RAB12: variants seen among roughly 807,000 people sequenced by gnomAD.
RAB12 encodes ras-related protein Rab-12.
Under a neutral mutation model 28.4 loss-of-function variants are expected in RAB12, and 11 were observed. The observed-to-expected ratio is 0.39, with a 90% confidence interval of 0.24 to 0.64. The LOEUF (loss-of-function observed/expected upper bound fraction) is 0.64, where lower values mean the gene tolerates loss of function less well. Ranked by LOEUF, RAB12 falls within the 30% of genes least tolerant of loss-of-function variation. The pLI is 0.50. For synonymous variants in RAB12, 138 were observed against 145.3 expected, an observed-to-expected ratio of 0.95 and a Z score of 0.36; for missense variants, 276 against 351.1, an observed-to-expected ratio of 0.79 and a Z score of 1.71.
At chr18:8,636,220 A>G (rs767378301) in intron 4 of RAB12, 33 bp from the exon 5 acceptor site, 9 of 1,446,338 alleles carry the variant, frequency 6.2e-6, no homozygotes, top group South Asian at 4.6e-5. Flanking sequence ...GTGAGGCCCC[A>G]CACAGAGGAA....
At chr18:8,613,624 T>G (rs1481538189) in intron 1 of RAB12, among the ~76,000 whole-genome samples, 7 of 152,350 alleles carry the variant, frequency 4.6e-5, no homozygotes. Context: ...ATTTCTATGT[T>G]ACTGTTGGAA....
At chr18:8,633,110 TA>T in intron 2 of RAB12, 78 bp from the exon 3 acceptor site, 1 of 1,558,640 alleles carries the variant, frequency 6.4e-7, no homozygotes, top group Non-Finnish European at 8.8e-7. Context: ...CTGCAGCATA[TA>T]ATCTATGTTT....
In RAB12 at chr18:8,609,736, G is replaced by A; in HGVS notation, c.297G>A (p.Pro99=). 2 of 1,174,640 alleles carry A rather than the reference G, an allele frequency of 1.7e-6. No homozygotes were observed. Among genetic ancestry groups the A allele is most frequent in the Middle Eastern group, 3.5e-4 (1 of 2,868 alleles). The allele number at this position is 1,174,640 out of a possible 1,614,324, so 72.8% of individuals were successfully genotyped here. A position where few individuals can be genotyped will look rare whatever the true frequency, so the allele number is the denominator to read the frequency against. ...AEREPHACMD[P]GAALQRRAGG... is the part of the protein sequence containing the mutation. ...GGGAGCCGCATGCGTGTATGGATCC[G>A]GGCGCCGCGCTGCAGAGGCGGGCCG... Residue 99 remains proline (P), a synonymous_variant, in exon 1 of 6, where the codon CCG becomes CCA. Transcript: ENST00000649141.
At position 8,638,317 on chromosome 18, in the gene RAB12, C is replaced by T. The variant is rs938013832; in HGVS notation, c.*55C>T. On this transcript the variant is annotated 3_prime_UTR_variant, in exon 6 of 6. Transcript: ENST00000649141. ...ATTCCTGGAAAGGGGAAAAAACGTTCTATTCTGCACTACAATCATTTTGAC... is the reference window on the plus strand; with the variant it reads ...ATTCCTGGAAAGGGGAAAAAACGTTTTATTCTGCACTACAATCATTTTGAC... 8.6e-7 allele frequency: 1 copy of T among 1,158,402 alleles called. No individual in the cohort carries two copies. The highest frequency in any genetic ancestry group is 1.2e-5 in the South Asian group (1 of 80,182). 71.8% of individuals were successfully genotyped at this position (1,158,402 alleles called of 1,614,324 possible).
chr18:8,618,758 C>A (rs778242468), intron 1 of RAB12, among the ~76,000 whole-genome samples: 1 of 152,166 alleles, frequency 6.6e-6, no homozygotes, highest in African/African-American at 2.4e-5. Flanking sequence ...GTGATCCACC[C>A]GCCTTGGCCT....
intron 2 of RAB12, among the ~76,000 whole-genome samples, chr18:8,627,973 C>T (rs2096013797): frequency 6.6e-6 from 1 of 152,138 alleles, no homozygotes; most frequent in Non-Finnish European, 1.5e-5. Flanking sequence ...GTTGTATCAC[C>T]AAACTGGGAA....
chr18:8,610,643 G>C (rs935450031), intron 1 of RAB12, among the ~76,000 whole-genome samples: 1 of 152,150 alleles, frequency 6.6e-6, no homozygotes, highest in East Asian at 1.9e-4. Flanking sequence ...AAACAGCCGT[G>C]GATCTGAAAT....
At chr18:8,628,630 GTTTCT>G (rs2096014176) in intron 2 of RAB12, among the ~76,000 whole-genome samples, 1 of 152,156 alleles carries the variant, frequency 6.6e-6, no homozygotes. Flanking sequence ...GAATTTTGAG[GTTTCT>G]ATCCTCTTTC....
At chr18:8,620,139 C>CTTCTTT (rs2096009003) in intron 1 of RAB12, among the ~76,000 whole-genome samples, 1 of 53,954 alleles carries the variant, frequency 1.9e-5, no homozygotes, top group Non-Finnish European at 3.1e-5. Flanking sequence ...TTTTCTTCTT[C>CTTCTTT]TTTTTTTTTT....
At chr18:8,623,540 C>T (rs139646923) in intron 1 of RAB12, among the ~76,000 whole-genome samples, 10 of 152,326 alleles carry the variant, frequency 6.6e-5, no homozygotes, top group East Asian at 3.9e-4. Context: ...CTATTTTGTG[C>T]GTCTTGTGTA....
intron 3 of RAB12, 63 bp from the exon 4 acceptor site, chr18:8,635,470 T>C: frequency 4.2e-6 from 5 of 1,177,076 alleles, no homozygotes; most frequent in Non-Finnish European, 6.2e-6. Flanking sequence ...TCGGTTTATA[T>C]TTCTGCTGTC....
At position 8,609,663 on chromosome 18, in the gene RAB12, C is replaced by A. The variant is rs1268470399; in HGVS notation, c.224C>A (p.Pro75His). 5.7e-6 allele frequency: 5 copies of A among 870,670 alleles called. No homozygotes were observed. Among genetic ancestry groups the A allele is most frequent in the Non-Finnish European group, 6.9e-6 (5 of 728,382 alleles). 53.9% of individuals were successfully genotyped at this position (870,670 alleles called of 1,614,324 possible). ...RAAEAEGAPGPGARSRGAGGG... is the reference protein window; with the variant it reads ...RAAEAEGAPGHGARSRGAGGG... ...GCGGAGGCCGAGGGGGCGCCGGGGC[C>A]CGGGGCGCGCAGCCGGGGGGCGGGC... is the stretch of plus-strand genomic sequence containing the variant. Residue 75 changes from proline (P) to histidine (H), a missense_variant, in exon 1 of 6, where the codon CCC (proline) becomes CAC (histidine). By Grantham distance (77) the Pro-to-His change is moderately conservative. Around this residue, in one of 4 missense-constraint regions of RAB12, gnomAD observed 72 missense variants for 55.5 expected, o/e 1.30. Coordinates refer to ENST00000649141, the MANE Select transcript of RAB12 (RefSeq NM_001025300.3).
At position 8,609,765 on chromosome 18, in the gene RAB12, G is replaced by T; in HGVS notation, c.326G>T (p.Gly109Val). Residue 109 changes from glycine to valine, a missense_variant, in exon 1 of 6, where the codon GGC becomes GTC. Gly to Val is a moderately radical substitution (Grantham distance 109). Around this residue, in one of 4 missense-constraint regions of RAB12, gnomAD observed 72 missense variants for 55.5 expected, o/e 1.30. Transcript: ENST00000649141. The stretch of plus-strand genomic sequence containing the variant: ...GCCGCGCTGCAGAGGCGGGCCGGGG[G>T]CGGCGGCGGTCTGGGCGCGGGCTCC... ...PGAALQRRAGGGGGLGAGSPA... is the reference protein window; with the variant it reads ...PGAALQRRAGVGGGLGAGSPA... 1 of 1,269,084 alleles carries T rather than the reference G, an allele frequency of 7.9e-7. No individual in the cohort carries two copies. Among genetic ancestry groups the T allele is most frequent in the South Asian group, 3.1e-5 (1 of 32,704 alleles). The allele number at this position is 1,269,084 out of a possible 1,614,324, so 78.6% of individuals were successfully genotyped here.
Position 8,636,367 on chromosome 18 carries a change from A to AG in RAB12, c.909+11dup. ...TGACATTCTGAAAAAGGTAAAAAAAAGAATCTACATTATAAAAGTATATCA... is the reference window on the plus strand; with the variant it reads ...TGACATTCTGAAAAAGGTAAAAAAAAGGAATCTACATTATAAAAGTATATCA... On this transcript the variant is annotated intron_variant, in intron 5 of 5. Coordinates refer to ENST00000649141, the MANE Select transcript of RAB12 (RefSeq NM_001025300.3). 9.5e-6 allele frequency: 14 copies of AG among 1,466,180 alleles called. No homozygotes were observed. Among genetic ancestry groups the AG allele is most frequent in the Non-Finnish European group, 1.3e-5 (14 of 1,053,426 alleles). 90.8% of individuals were successfully genotyped at this position (1,466,180 alleles called of 1,614,324 possible).
chr18:8,617,879 T>C (rs1046876457), intron 1 of RAB12, among the ~76,000 whole-genome samples: 1 of 152,200 alleles, frequency 6.6e-6, no homozygotes, highest in Admixed American at 6.5e-5. Flanking sequence ...CAGTAATATA[T>C]ACCTCATAAT....
intron 1 of RAB12, among the ~76,000 whole-genome samples, chr18:8,615,161 GGCA>G (rs2096006072): frequency 6.6e-6 from 1 of 152,178 alleles, no homozygotes; most frequent in Non-Finnish European, 1.5e-5. Context: ...CGGTTGAGCT[GGCA>G]GCAGAATGGA....
chr18:8,620,121 T>C (rs921036444), intron 1 of RAB12, among the ~76,000 whole-genome samples: 6 of 125,744 alleles, frequency 4.8e-5, no homozygotes, highest in African/African-American at 8.2e-5. Flanking sequence ...GACAAAGCCT[T>C]CTTTTTTTTT....
Position 8,620,139 on chromosome 18 carries a change from C to CTTTTTTTTTTTTTTTTTTTTTT in RAB12, c.515-4778_515-4777insTTTTTTTTTTTTTTTTTTTTTT, listed in dbSNP as rs71165795. ...AAAGCCTTCTTTTTTTTTTCTTCTT[C>CTTTTTTTTTTTTTTTTTTTTTT]TTTTTTTTTTTTTTTTTTTTTGCTT... On this transcript the variant is annotated intron_variant, in intron 1 of 5. Transcript: ENST00000649141. 2.3e-3 allele frequency among the ~76,000 whole-genome samples: 121 copies of CTTTTTTTTTTTTTTTTTTTTTT among 53,710 alleles called. 1 individual carries two copies. Among genetic ancestry groups the CTTTTTTTTTTTTTTTTTTTTTT allele is most frequent in the Non-Finnish European group, 2.8e-3 (91 of 32,178 alleles). The allele number at this position is 53,710 out of a possible 152,430, so 35.2% of individuals were successfully genotyped here.
At position 8,609,915 on chromosome 18, in the gene RAB12, C is replaced by G. The variant is rs756435385; in HGVS notation, c.476C>G (p.Thr159Ser). ...VGKTSLMERF[T>S]DDTFCEACKS... is the part of the protein sequence containing the mutation. ...AAGACCAGCCTGATGGAGCGCTTCA[C>G]CGACGACACCTTCTGCGAGGCCTGC... The change falls in exon 1 of 6, where the codon ACC becomes AGC. Residue 159 changes from threonine to serine, a missense_variant. Around this residue, in one of 4 missense-constraint regions of RAB12, gnomAD observed 76 missense variants for 117.9 expected, o/e 0.64. Transcript: ENST00000649141. 1 of 1,609,780 alleles carries G rather than the reference C, an allele frequency of 6.2e-7. No individual in the cohort carries two copies. The highest frequency in any genetic ancestry group is 8.5e-7 in the Non-Finnish European group (1 of 1,178,472).
Sources: gnomAD v4.1 joint callset for allele counts (sites outside exome capture counted in the v4.1 genomes callset) on GRCh38, gnomAD v4.1.1 for gene constraint, gnomAD v4.1.1 regional missense constraint, MANE v1.5 for transcripts, NCBI Gene and HGNC (gene_info 2026-07-23, HGNC 2026-07-21) for gene names.